The following POSTN variants were observed in gnomAD, a reference collection of about 807,000 sequenced individuals.
POSTN encodes periostin.
In POSTN, 71 loss-of-function variants were observed where a neutral mutation model predicts 104.5. The ratio of observed to expected loss-of-function variants is 0.68; its 90% confidence interval spans 0.56 to 0.83. The LOEUF (loss-of-function observed/expected upper bound fraction) is 0.83, where lower values mean the gene tolerates loss of function less well. Ranked by LOEUF, POSTN falls within the 40% of genes least tolerant of loss-of-function variation. The probability of loss-of-function intolerance (pLI) is 0.00; values close to 1 mark genes in which losing one functional copy is unlikely to be tolerated. For synonymous variants in POSTN, 355 were observed against 340.7 expected (o/e 1.04, Z -0.46); for missense variants, 949 against 1,006.8 (o/e 0.94, Z 0.78).
At chr13:37,569,860 A>T in intron 19 of POSTN, 39 bp from the exon 20 acceptor site, 4 of 1,350,916 alleles carry the variant, frequency 3.0e-6, no homozygotes, top group Non-Finnish European at 3.2e-6. Context: ...AAACAGAAGT[A>T]GGCAAACTTC....
rs1194009541 is a variant in POSTN, at chr13:37,587,999, G to T, written c.442-13C>A. On this transcript the variant is annotated splice_polypyrimidine_tract_variant and intron_variant, in intron 4 of 22. Transcript: ENST00000379747. The stretch of plus-strand genomic sequence containing the variant: ...CTCTACGGATATCCTAGGAAAAATT[G>T]CAATGATAGAAATTCAATTTATTGT... The T allele has an allele frequency of 1.3e-6, 2 of 1,572,242 alleles. No homozygotes were observed. The highest frequency in any genetic ancestry group is 1.7e-6 in the Non-Finnish European group (2 of 1,150,592).
At chr13:37,563,683 G>T (rs988380579) in intron 22 of POSTN, among the ~76,000 whole-genome samples, 4 of 151,928 alleles carry the variant, frequency 2.6e-5, no homozygotes, top group African/African-American at 7.2e-5. Flanking sequence ...ACTTTCAAAG[G>T]TCTGTATATT....
intron 9 of POSTN, 146 bp downstream of exon 9, chr13:37,583,823 T>G (rs770377496): frequency 1.3e-5 from 11 of 832,224 alleles, no homozygotes; most frequent in Admixed American, 1.2e-4. Context: ...GTAGAGACCA[T>G]GTAGTGTTAA....
At chr13:37,577,609 C>A (rs1043857065) in intron 16 of POSTN, 144 bp downstream of exon 16, 1 of 1,366,490 alleles carries the variant, frequency 7.3e-7, no homozygotes. Flanking sequence ...AGACCTCAAT[C>A]CTTTTTTCAA....
At position 37,584,110 on chromosome 13, in the gene POSTN, A is replaced by G; in HGVS notation, c.1109-7T>C. Reference sequence around the variant, plus strand: ...AGCTCAATAACTTGTTTGGCTGAAAAATAAACCATCACCATCACAACAATG... The same window carrying G: ...AGCTCAATAACTTGTTTGGCTGAAAGATAAACCATCACCATCACAACAATG... On this transcript the variant is annotated splice_region_variant and splice_polypyrimidine_tract_variant and intron_variant, in intron 8 of 22. Coordinates refer to ENST00000379747, the MANE Select transcript of POSTN (RefSeq NM_006475.3). 6.2e-6 allele frequency: 10 copies of G among 1,613,548 alleles called. No individual in the cohort carries two copies. Among genetic ancestry groups the G allele is most frequent in the Non-Finnish European group, 8.5e-6 (10 of 1,179,780 alleles).
intron 2 of POSTN, among the ~76,000 whole-genome samples, chr13:37,592,561 G>T (rs932148625): frequency 2.6e-5 from 4 of 152,102 alleles, no homozygotes; most frequent in African/African-American, 9.7e-5. Flanking sequence ...GCCTCCCAAA[G>T]TGTTGGGATT....
At chr13:37,577,415 TCC>T (rs1950440855) in intron 16 of POSTN, among the ~76,000 whole-genome samples, 1 of 152,210 alleles carries the variant, frequency 6.6e-6, no homozygotes, top group Non-Finnish European at 1.5e-5. Flanking sequence ...CATTTCTGTG[TCC>T]ACACATCTGA....
At chr13:37,564,823 C>T in intron 21 of POSTN, 1 of 295,924 alleles carries the variant, frequency 3.4e-6, no homozygotes, top group Middle Eastern at 9.8e-4. Flanking sequence ...TGGAACCCCA[C>T]CTAATGTGCC....
intron 16 of POSTN, 103 bp downstream of exon 16, chr13:37,577,650 C>A: frequency 6.9e-7 from 1 of 1,454,296 alleles, no homozygotes. Context: ...GTTTGGAATT[C>A]TAAATACCAG....
In POSTN at chr13:37,593,817, A is replaced by G. The variant is rs1951010387; in HGVS notation, c.219-1653T>C. On this transcript the variant is annotated intron_variant, in intron 2 of 22. Coordinates refer to ENST00000379747, the MANE Select transcript of POSTN (RefSeq NM_006475.3). ...TGATTTTATAGAGTTGAATAAAAGT[A>G]AATAAATGTTTTCAAATTGAACCCT... 1.3e-5 allele frequency among the ~76,000 whole-genome samples: 2 copies of G among 151,678 alleles called. 1 individual carries two copies. Among genetic ancestry groups the G allele is most frequent in the Non-Finnish European group, 3.0e-5 (2 of 67,760 alleles).
chr13:37,591,345 G>A (rs977459470), intron 3 of POSTN, among the ~76,000 whole-genome samples: 2 of 152,092 alleles, frequency 1.3e-5, no homozygotes, highest in African/African-American at 4.8e-5. Context: ...ATAAGCTAAT[G>A]ATGTAACATG....
rs760626575 is a variant in POSTN at position 37,570,601 on chromosome 13, G to T, written c.2248C>A (p.Arg750=). ...VPVEITEKET[R]EERIITGPEI... ...CTACCTGTAATGATTCGTTCTTCTC[G>T]TGTCTCTTTTTCAGTTATTTCCACA... Residue 750 remains arginine (R), a synonymous_variant, in exon 19 of 23, where the codon CGA becomes AGA. Coordinates refer to ENST00000379747, the MANE Select transcript of POSTN (RefSeq NM_006475.3). 2 of 1,603,018 alleles carry T rather than the reference G, an allele frequency of 1.2e-6. No individual in the cohort carries two copies. Among genetic ancestry groups the T allele is most frequent in the South Asian group, 1.1e-5 (1 of 90,778 alleles).
chr13:37,575,917 G>A (rs1031762531), intron 16 of POSTN, among the ~76,000 whole-genome samples: 4 of 152,080 alleles, frequency 2.6e-5, no homozygotes, highest in African/African-American at 7.2e-5. Context: ...AGTCGAATAC[G>A]AATACACAGG....
Position 37,578,886 on chromosome 13 carries a change from C to A in POSTN, c.1920G>T (p.Leu640=). 2.5e-6 allele frequency: 4 copies of A among 1,593,230 alleles called. No individual in the cohort carries two copies. The South Asian group carries it at 3.5e-5, about 14-fold the overall frequency. ...PADTPVGNDQ[L]LEILNKLIKY... ...TGATTAATTTATTAAGTATTTCCAG[C>A]AGTTGATCATTTCCAACAGGTGTGT... Residue 640 remains leucine, a synonymous_variant, in exon 15 of 23, where the codon CTG becomes CTT. Transcript: ENST00000379747.
chr13:37,570,889 A>G, intron 18 of POSTN: 2 of 460,546 alleles, frequency 4.3e-6, no homozygotes, highest in East Asian at 7.1e-5. Context: ...GGGCCATTTG[A>G]CATCCTAACT....
At chr13:37,577,721 AC>A in intron 16 of POSTN, 31 bp downstream of exon 16, 1 of 1,604,560 alleles carries the variant, frequency 6.2e-7, no homozygotes, top group African/African-American at 1.3e-5. Context: ...ATACCTTGCC[AC>A]CCAGGTGGCC....
chr13:37,576,367 G>T (rs1413804817), intron 16 of POSTN, among the ~76,000 whole-genome samples: 1 of 152,238 alleles, frequency 6.6e-6, no homozygotes, highest in Middle Eastern at 3.4e-3. Flanking sequence ...TCTTACATTG[G>T]AATGTAAATG....
At chr13:37,573,119 G>A (rs1192631528) in intron 17 of POSTN, among the ~76,000 whole-genome samples, 3 of 151,430 alleles carry the variant, frequency 2.0e-5, no homozygotes, top group Non-Finnish European at 3.0e-5. Context: ...AAGCTTCAAA[G>A]GAGAAGAATC....
At chr13:37,573,483 A>G (rs1950313432) in intron 17 of POSTN, among the ~76,000 whole-genome samples, 1 of 151,382 alleles carries the variant, frequency 6.6e-6, no homozygotes, top group Non-Finnish European at 1.5e-5. Context: ...ATAGATAACT[A>G]ATTAGCTAGG....
Sources: allele counts gnomAD v4.1 joint callset (sites outside exome capture counted in the v4.1 genomes callset), GRCh38; gene constraint gnomAD v4.1.1; transcripts MANE v1.5; gene names NCBI Gene and HGNC (gene_info 2026-07-23, HGNC 2026-07-21).